The following UTRN variants were observed in gnomAD, a reference collection of about 807,000 sequenced individuals.
The protein encoded by UTRN is dystrophin-related protein 1.
A neutral mutation model predicts 463.9 loss-of-function variants in UTRN; 283 were observed. The ratio of observed to expected loss-of-function variants is 0.61; its 90% confidence interval spans 0.55 to 0.67. The LOEUF (loss-of-function observed/expected upper bound fraction) is 0.67, where lower values mean the gene tolerates loss of function less well. Ranked by LOEUF, UTRN falls within the 30% of genes least tolerant of loss-of-function variation. The pLI is 0.00. For missense variants in UTRN, 3,922 were observed against 4,084.3 expected, an observed-to-expected ratio of 0.96 and a Z score of 1.08; for synonymous variants, 1,442 against 1,431.5, an observed-to-expected ratio of 1.01 and a Z score of -0.17.
chr6:144,831,780 A>T (rs1193704100), intron 69 of UTRN, among the ~76,000 whole-genome samples: 1 of 152,104 alleles, frequency 6.6e-6, no homozygotes, highest in African/African-American at 2.4e-5. Flanking sequence ...AGGACGTCTC[A>T]CTCCATCTGC....
intron 51 of UTRN, among the ~76,000 whole-genome samples, chr6:144,629,439 A>T (rs1776290179): frequency 6.6e-6 from 1 of 152,228 alleles, no homozygotes; most frequent in Admixed American, 6.5e-5. Context: ...ATACATGGAC[A>T]GCATGAAGAA....
At chr6:144,396,044 G>T (rs1782375407) in intron 2 of UTRN, among the ~76,000 whole-genome samples, 2 of 152,104 alleles carry the variant, frequency 1.3e-5, no homozygotes, top group African/African-American at 4.8e-5. Flanking sequence ...TACACCCAAA[G>T]GAACTGAAAT....
In UTRN at chr6:144,628,235, C is replaced by T. The variant is rs917107646; in HGVS notation, c.7480-50171C>T. Among the ~76,000 whole-genome samples the T allele has an allele frequency of 3.9e-5, 6 of 152,084 alleles. No individual in the cohort carries two copies. In the South Asian group the frequency reaches 8.3e-4, roughly 21 times the overall value. ...CTATGAACATTGGTGTACAAGTATC[C>T]GTTTTAGTCTCTGCTTTCATTTCTT... On this transcript the variant is annotated intron_variant, in intron 51 of 74. Transcript: ENST00000367545.
At chr6:144,470,248 A>G (rs1790403985) in intron 23 of UTRN, among the ~76,000 whole-genome samples, 1 of 152,138 alleles carries the variant, frequency 6.6e-6, no homozygotes, top group Non-Finnish European at 1.5e-5. Context: ...GGCCGGGCAG[A>G]GGGGTTCCCC....
intron 60 of UTRN, 38 bp from the exon 61 acceptor site, chr6:144,781,884 G>A (rs778129583): frequency 1.3e-6 from 2 of 1,497,086 alleles, no homozygotes; most frequent in Middle Eastern, 1.7e-4. Flanking sequence ...GTAATGTAAT[G>A]TAATGACTGT....
intron 51 of UTRN, among the ~76,000 whole-genome samples, chr6:144,587,209 G>A (rs1802549257): frequency 1.3e-5 from 2 of 152,158 alleles, no homozygotes; most frequent in Non-Finnish European, 2.9e-5. Flanking sequence ...CTTCTAGGGG[G>A]CTTGAGCTTT....
chr6:144,625,361 T>A (rs1344250944), intron 51 of UTRN, among the ~76,000 whole-genome samples: 1 of 152,190 alleles, frequency 6.6e-6, no homozygotes, highest in Non-Finnish European at 1.5e-5. Context: ...CTATTTTGAG[T>A]TGGATTTTTA....
intron 2 of UTRN, among the ~76,000 whole-genome samples, chr6:144,317,414 A>AT (rs1481141090): frequency 6.6e-6 from 1 of 151,854 alleles, no homozygotes; most frequent in East Asian, 1.9e-4. Context: ...ATTTTAGTTT[A>AT]TTTTTTTTGA....
intron 51 of UTRN, among the ~76,000 whole-genome samples, chr6:144,594,723 G>A (rs11155361): frequency 0.16 from 23,753 of 152,026 alleles, 2,083 homozygotes; most frequent in South Asian, 0.27. Context: ...TAATTTTAGA[G>A]CACTTTTGTC....
chr6:144,706,251 A>G (rs756813074), intron 53 of UTRN, among the ~76,000 whole-genome samples: 23 of 151,510 alleles, frequency 1.5e-4, no homozygotes, highest in Non-Finnish European at 2.9e-4. Flanking sequence ...GTCCTTGAAA[A>G]TGTCCTTTTC....
At chr6:144,628,404 C>T (rs1776165013) in intron 51 of UTRN, among the ~76,000 whole-genome samples, 1 of 151,862 alleles carries the variant, frequency 6.6e-6, no homozygotes, top group African/African-American at 2.4e-5. Context: ...GTGTTAGCCC[C>T]TTTTTTTTGA....
chr6:144,686,546 A>G (rs1782776442), intron 52 of UTRN, among the ~76,000 whole-genome samples: 2 of 151,974 alleles, frequency 1.3e-5, no homozygotes, highest in East Asian at 3.9e-4. Flanking sequence ...GCCTAGTAGT[A>G]ATTGCTTTCT....
chr6:144,475,653 T>A (rs1251867947), intron 25 of UTRN, among the ~76,000 whole-genome samples: 1 of 152,186 alleles, frequency 6.6e-6, no homozygotes, highest in Non-Finnish European at 1.5e-5. Flanking sequence ...TCTTGTTGTA[T>A]CACCCAGGCT....
intron 51 of UTRN, among the ~76,000 whole-genome samples, chr6:144,637,601 G>C (rs1023458468): frequency 6.6e-6 from 1 of 150,702 alleles, no homozygotes; most frequent in African/African-American, 2.4e-5. Flanking sequence ...AAAATTTTAT[G>C]TATTTTTATA....
chr6:144,636,676 A>C (rs1446137022), intron 51 of UTRN, among the ~76,000 whole-genome samples: 1 of 152,236 alleles, frequency 6.6e-6, no homozygotes, highest in Non-Finnish European at 1.5e-5. Context: ...ACATATTTGC[A>C]GACATTGTAA....
intron 2 of UTRN, among the ~76,000 whole-genome samples, chr6:144,308,432 G>A (rs1187145370): frequency 6.6e-6 from 1 of 152,124 alleles, no homozygotes; most frequent in African/African-American, 2.4e-5. Flanking sequence ...TGGGGCTATA[G>A]GCATGTGCCA....
intron 1 of UTRN, among the ~76,000 whole-genome samples, chr6:144,289,407 C>A (rs2114503994): frequency 6.6e-6 from 1 of 152,296 alleles, no homozygotes; most frequent in Non-Finnish European, 1.5e-5. Flanking sequence ...TTGTTTCCTG[C>A]ATATAATATT....
intron 51 of UTRN, among the ~76,000 whole-genome samples, chr6:144,592,880 G>A (rs749939845): frequency 2.6e-5 from 4 of 152,182 alleles, no homozygotes; most frequent in Non-Finnish European, 5.9e-5. Flanking sequence ...TGATTTACCT[G>A]TGTGGGATCA....
intron 2 of UTRN, among the ~76,000 whole-genome samples, chr6:144,350,111 A>G (rs1445009771): frequency 6.6e-6 from 1 of 152,190 alleles, no homozygotes; most frequent in East Asian, 1.9e-4. Context: ...TTAGATTGTG[A>G]GCTGGGCAGG....
Sources: allele counts gnomAD v4.1 joint callset (sites outside exome capture counted in the v4.1 genomes callset), GRCh38; gene constraint gnomAD v4.1.1; transcripts MANE v1.5; gene names NCBI Gene and HGNC (gene_info 2026-07-23, HGNC 2026-07-21).